Variants in CTNNA3 observed in about 807,000 individuals in gnomAD.
CTNNA3 encodes the protein catenin alpha 3, also known as catenin alpha-3.
CTNNA3 carries 76 observed loss-of-function variants against 95.7 expected under a neutral mutation model. The observed-to-expected ratio is 0.79, with a 90% CI of 0.66 to 0.96. The LOEUF is 0.96. Among genes scored for constraint, CTNNA3 ranks in the 40% least tolerant of loss-of-function variants. The pLI is 0.00. For synonymous variants in CTNNA3, 431 were observed against 374.4 expected, an observed-to-expected ratio of 1.15 and a Z score of -1.74; for missense variants, 1,191 against 1,089.8, an observed-to-expected ratio of 1.09 and a Z score of -1.31.
At position 66,913,238 on chromosome 10, in the gene CTNNA3, CAAAAAAAAAAA is replaced by C. The variant is rs1161880781; in HGVS notation, c.1048-137725_1048-137715del. ...TGGGCGAAAGAGCGAGACTCCGTCT[CAAAAAAAAAAA>C]AAAAAAAAAAAAAAAAGAAAAAGAA... On this transcript the variant is annotated intron_variant, in intron 7 of 17. Coordinates refer to ENST00000433211, the MANE Select transcript of CTNNA3 (RefSeq NM_013266.4). 3.0e-4 allele frequency among the ~76,000 whole-genome samples: 10 copies of C among 33,530 alleles called. No homozygotes were observed. The Admixed American group carries it at 3.6e-3, about 12-fold the overall frequency. 22.0% of individuals were successfully genotyped at this position (33,530 alleles called of 152,430 possible).
chr10:66,691,215 G>C (rs755521606), intron 9 of CTNNA3, among the ~76,000 whole-genome samples: 1 of 152,150 alleles, frequency 6.6e-6, no homozygotes. Context: ...TCAAAGAAAG[G>C]GGTGACAGAC....
chr10:67,421,812 TA>T (rs887978130), intron 5 of CTNNA3, among the ~76,000 whole-genome samples: 12 of 152,066 alleles, frequency 7.9e-5, no homozygotes, highest in African/African-American at 2.4e-4. Context: ...TATATAAACT[TA>T]AAAAAAATAC....
chr10:66,304,494 G>C (rs2091905407), intron 12 of CTNNA3, among the ~76,000 whole-genome samples: 1 of 152,080 alleles, frequency 6.6e-6, no homozygotes, highest in Admixed American at 6.6e-5. Context: ...AAGAGAAAAA[G>C]AGGATGAGAA....
Position 67,468,082 on chromosome 10 carries a change from G to T in CTNNA3, c.579+53760C>A, listed in dbSNP as rs1344586834. 2.0e-5 allele frequency among the ~76,000 whole-genome samples: 3 copies of T among 150,764 alleles called. No individual in the cohort carries two copies. The East Asian group carries it at 5.8e-4, about 29-fold the overall frequency. On this transcript the variant is annotated intron_variant, in intron 5 of 17. Transcript: ENST00000433211. The stretch of plus-strand genomic sequence containing the variant: ...ACGTGGGTTTGTTATTAATACATTG[G>T]TAAACTTGTGTCATGGGAGTTTGTT...
intron 9 of CTNNA3, among the ~76,000 whole-genome samples, chr10:66,736,344 C>G (rs1454243020): frequency 2.6e-5 from 4 of 151,112 alleles, no homozygotes; most frequent in Non-Finnish European, 5.9e-5. Context: ...CGCCGCCACA[C>G]CCGGCTAATT....
intron 6 of CTNNA3, among the ~76,000 whole-genome samples, chr10:67,210,425 TA>T (rs918102151): frequency 1.3e-5 from 2 of 151,942 alleles, no homozygotes; most frequent in African/African-American, 4.8e-5. Context: ...AAATTCAAAC[TA>T]AAAAAAAGAA....
chr10:66,877,225 A>G (rs1240896356), intron 7 of CTNNA3, among the ~76,000 whole-genome samples: 2 of 152,124 alleles, frequency 1.3e-5, no homozygotes, highest in Non-Finnish European at 1.5e-5. Flanking sequence ...GTTCTGGCCT[A>G]TTCTTAGCAA....
intron 8 of CTNNA3, 49 bp downstream of exon 8, chr10:66,775,395 T>C: frequency 8.0e-7 from 1 of 1,242,606 alleles, no homozygotes; most frequent in Non-Finnish European, 1.1e-6. Flanking sequence ...TGAATAACAG[T>C]TTCATTTAGC....
At chr10:66,162,191 T>C (rs1296268712) in intron 13 of CTNNA3, among the ~76,000 whole-genome samples, 1 of 152,114 alleles carries the variant, frequency 6.6e-6, no homozygotes, top group Non-Finnish European at 1.5e-5. Flanking sequence ...ACCTCCTGAA[T>C]TCTTTTTCAA....
At chr10:66,127,452 A>G (rs999658787) in intron 13 of CTNNA3, among the ~76,000 whole-genome samples, 1 of 152,048 alleles carries the variant, frequency 6.6e-6, no homozygotes, top group Non-Finnish European at 1.5e-5. Context: ...CAGACTAATC[A>G]TAAGGACAAA....
At chr10:66,072,408 A>G (rs562610625) in intron 14 of CTNNA3, among the ~76,000 whole-genome samples, 1 of 151,894 alleles carries the variant, frequency 6.6e-6, no homozygotes, top group African/African-American at 2.4e-5. Flanking sequence ...AACTCCTGAA[A>G]GTGCTGACCA....
At chr10:65,966,848 G>C in intron 16 of CTNNA3, 102 bp from the exon 17 acceptor site, 1 of 823,706 alleles carries the variant, frequency 1.2e-6, no homozygotes, top group East Asian at 2.8e-5. Flanking sequence ...TTATAAAGCA[G>C]CAATTTTATT....
At chr10:66,722,104 T>C (rs1179098932) in intron 9 of CTNNA3, among the ~76,000 whole-genome samples, 1 of 152,022 alleles carries the variant, frequency 6.6e-6, no homozygotes, top group Non-Finnish European at 1.5e-5. Flanking sequence ...AAAGGCCGGG[T>C]GCGGTGGCTC....
chr10:66,347,781 G>A (rs2092535729), intron 12 of CTNNA3, among the ~76,000 whole-genome samples: 3 of 152,036 alleles, frequency 2.0e-5, no homozygotes, highest in Admixed American at 1.3e-4. Context: ...ACAGTACAGT[G>A]AAACAAAGGC....
chr10:67,668,540 G>A (rs528985611), intron 1 of CTNNA3, among the ~76,000 whole-genome samples: 2 of 152,236 alleles, frequency 1.3e-5, no homozygotes, highest in Admixed American at 6.5e-5. Flanking sequence ...GAACTCTTGC[G>A]CTTTGGGGCT....
intron 9 of CTNNA3, among the ~76,000 whole-genome samples, chr10:66,638,802 A>G (rs1352547757): frequency 6.6e-6 from 1 of 151,538 alleles, no homozygotes; most frequent in Non-Finnish European, 1.5e-5. Flanking sequence ...TCCCCCGCCC[A>G]TTCGTTATTC....
intron 7 of CTNNA3, among the ~76,000 whole-genome samples, chr10:66,947,717 G>C (rs887746001): frequency 6.7e-6 from 1 of 150,216 alleles, no homozygotes. Context: ...TTTTAATCTT[G>C]ATAAATTTAG....
intron 10 of CTNNA3, among the ~76,000 whole-genome samples, chr10:66,614,872 T>C (rs951296544): frequency 6.6e-6 from 1 of 152,052 alleles, no homozygotes; most frequent in African/African-American, 2.4e-5. Flanking sequence ...GTTTGCCTAA[T>C]TGAATGTGTA....
intron 11 of CTNNA3, among the ~76,000 whole-genome samples, chr10:66,399,213 A>G (rs1296082181): frequency 6.6e-6 from 1 of 151,890 alleles, no homozygotes; most frequent in Non-Finnish European, 1.5e-5. Context: ...TATTCACACC[A>G]GACACCTGAG....
Sources: allele counts gnomAD v4.1 joint callset (sites outside exome capture counted in the v4.1 genomes callset), GRCh38; gene constraint gnomAD v4.1.1; transcripts MANE v1.5; gene names NCBI Gene and HGNC (gene_info 2026-07-23, HGNC 2026-07-21).